Variants in NECAB1 observed in about 807,000 individuals in gnomAD.
The protein encoded by NECAB1 is N-terminal EF-hand calcium binding protein 1.
Under a neutral mutation model 57.5 loss-of-function variants are expected in NECAB1, and 29 were observed. The ratio of observed to expected loss-of-function variants is 0.50; its 90% confidence interval spans 0.38 to 0.69. NECAB1 has a LOEUF of 0.69. NECAB1 is among the 30% of genes least tolerant of loss of function. The pLI, the probability that NECAB1 is intolerant of heterozygous loss-of-function variation, is 0.00. For synonymous variants in NECAB1, 142 were observed against 147.7 expected (o/e 0.96, Z 0.28); for missense variants, 372 against 413.8 (o/e 0.90, Z 0.88).
At chr8:90,939,352 G>C (rs1810614831) in intron 9 of NECAB1, among the ~76,000 whole-genome samples, 1 of 152,200 alleles carries the variant, frequency 6.6e-6, no homozygotes, top group Non-Finnish European at 1.5e-5. Flanking sequence ...TGATTGGCCA[G>C]AGCAGGTTAG....
rs76072494 is a variant in NECAB1, at chr8:90,920,590, C to T, written c.494+2962C>T. Among the ~76,000 whole-genome samples the T allele has an allele frequency of 4.5e-4, 69 of 152,232 alleles. No homozygotes were observed. In the East Asian group the frequency reaches 8.3e-3, roughly 18 times the overall value. On this transcript the variant is annotated intron_variant, in intron 6 of 12. Coordinates refer to ENST00000417640, the MANE Select transcript of NECAB1 (RefSeq NM_022351.5). ...GAATGAGATTCTCTCTAGAGGGATC[C>T]GTCTCACCCATCTCATGTTACCCAT...
intron 2 of NECAB1, among the ~76,000 whole-genome samples, chr8:90,803,891 C>T (rs181932597): frequency 9.8e-5 from 15 of 152,300 alleles, no homozygotes; most frequent in Admixed American, 2.6e-4. Flanking sequence ...TCAAAGACAC[C>T]TTATCTGGGA....
At chr8:90,945,490 G>A (rs1810782935) in intron 10 of NECAB1, among the ~76,000 whole-genome samples, 4 of 152,166 alleles carry the variant, frequency 2.6e-5, no homozygotes, top group Admixed American at 2.6e-4. Flanking sequence ...GTGAGCCACC[G>A]TGCCCAGCCT....
At chr8:90,943,380 A>C (rs188349129) in intron 10 of NECAB1, among the ~76,000 whole-genome samples, 1 of 152,302 alleles carries the variant, frequency 6.6e-6, no homozygotes, top group African/African-American at 2.4e-5. Flanking sequence ...AATTTCTTTT[A>C]CTGGAATTAT....
intron 3 of NECAB1, among the ~76,000 whole-genome samples, chr8:90,838,751 T>G (rs1386155530): frequency 6.6e-6 from 1 of 152,184 alleles, no homozygotes; most frequent in East Asian, 1.9e-4. Flanking sequence ...CAAAACGAAG[T>G]TGAATGAAAC....
intron 5 of NECAB1, among the ~76,000 whole-genome samples, chr8:90,885,498 C>T (rs1808958943): frequency 6.6e-6 from 1 of 152,206 alleles, no homozygotes; most frequent in Non-Finnish European, 1.5e-5. Flanking sequence ...TGCCAACTAG[C>T]ATTCATATAG....
In NECAB1 at chr8:90,922,486, A is replaced by ATTTTTTTTTTTTTTTTTTTT. The variant is rs577951495; in HGVS notation, c.495-3044_495-3025dup. Among the ~76,000 whole-genome samples the ATTTTTTTTTTTTTTTTTTTT allele has an allele frequency of 3.5e-4, 20 of 57,512 alleles. 2 individuals are homozygous for ATTTTTTTTTTTTTTTTTTTT. Among genetic ancestry groups the ATTTTTTTTTTTTTTTTTTTT allele is most frequent in the South Asian group, 7.4e-4 (1 of 1,356 alleles). 37.7% of individuals were successfully genotyped at this position (57,512 alleles called of 152,430 possible). A position where few individuals can be genotyped will look rare whatever the true frequency, so the allele number is the denominator to read the frequency against. On this transcript the variant is annotated intron_variant, in intron 6 of 12. Transcript: ENST00000417640. ...ACCACCAAAGCTGCCAAAAACTTGG[A>ATTTTTTTTTTTTTTTTTTTT]TTTTTTTTTTTTTTTTTTTTTTTTG...
intron 5 of NECAB1, among the ~76,000 whole-genome samples, chr8:90,916,564 A>T (rs1359758408): frequency 6.6e-6 from 1 of 152,242 alleles, no homozygotes; most frequent in Non-Finnish European, 1.5e-5. Flanking sequence ...GAGACAAATA[A>T]ATCTTTTCCT....
intron 5 of NECAB1, among the ~76,000 whole-genome samples, chr8:90,908,048 T>G (rs376695930): frequency 6.6e-6 from 1 of 152,182 alleles, no homozygotes; most frequent in South Asian, 2.1e-4. Context: ...AGATCATATA[T>G]GATATTTTGA....
chr8:90,803,600 C>T (rs1811797684), intron 2 of NECAB1, among the ~76,000 whole-genome samples: 1 of 152,204 alleles, frequency 6.6e-6, no homozygotes, highest in Admixed American at 6.5e-5. Context: ...TGGTCACTTG[C>T]ATTGGCAGAC....
intron 2 of NECAB1, chr8:90,813,200 A>T (rs1563494364): frequency 6.7e-6 from 1 of 149,780 alleles, no homozygotes; most frequent in Non-Finnish European, 1.5e-5. Context: ...AATAATAAAT[A>T]AATTAAATAA....
chr8:90,895,925 C>G (rs917389967), intron 5 of NECAB1, among the ~76,000 whole-genome samples: 1 of 152,232 alleles, frequency 6.6e-6, no homozygotes, highest in Non-Finnish European at 1.5e-5. Flanking sequence ...ACAATTAAAG[C>G]TCAACGAGCT....
intron 10 of NECAB1, among the ~76,000 whole-genome samples, chr8:90,946,014 C>G (rs1354836747): frequency 6.6e-6 from 1 of 152,200 alleles, no homozygotes; most frequent in African/African-American, 2.4e-5. Context: ...ATCATTCAAG[C>G]CCTAAGCCTT....
chr8:90,853,878 T>C (rs574227606), intron 3 of NECAB1, among the ~76,000 whole-genome samples: 1 of 152,040 alleles, frequency 6.6e-6, no homozygotes, highest in East Asian at 1.9e-4. Context: ...CCACTAAAAA[T>C]AGGGATTTAT....
chr8:90,913,027 C>T (rs1032959817), intron 5 of NECAB1, among the ~76,000 whole-genome samples: 1 of 152,094 alleles, frequency 6.6e-6, no homozygotes, highest in South Asian at 2.1e-4. Flanking sequence ...AATACACTAA[C>T]CCTAGATGTC....
chr8:90,908,039 G>C (rs537353778), intron 5 of NECAB1, among the ~76,000 whole-genome samples: 1 of 152,228 alleles, frequency 6.6e-6, no homozygotes, highest in Admixed American at 6.5e-5. Context: ...AAAGCACAGA[G>C]ATCATATATG....
intron 3 of NECAB1, among the ~76,000 whole-genome samples, chr8:90,830,222 C>A (rs1369439806): frequency 6.6e-6 from 1 of 152,044 alleles, no homozygotes; most frequent in Admixed American, 6.6e-5. Context: ...AAGCTTATTG[C>A]AATTCCAATA....
intron 3 of NECAB1, among the ~76,000 whole-genome samples, chr8:90,847,751 A>G (rs1812596195): frequency 6.6e-6 from 1 of 152,208 alleles, no homozygotes; most frequent in Non-Finnish European, 1.5e-5. Context: ...TGCACCCTCA[A>G]AAGCCATGGC....
intron 5 of NECAB1, 99 bp from the exon 6 acceptor site, chr8:90,917,393 T>G (rs1234830594): frequency 9.5e-7 from 1 of 1,057,180 alleles, no homozygotes; most frequent in African/African-American, 1.6e-5. Flanking sequence ...CTCTCTAGGA[T>G]CAATCTGGGA....
Sources: gnomAD v4.1 joint callset for allele counts (sites outside exome capture counted in the v4.1 genomes callset) on GRCh38, gnomAD v4.1.1 for gene constraint, MANE v1.5 for transcripts, NCBI Gene and HGNC (gene_info 2026-07-23, HGNC 2026-07-21) for gene names.